Variants in STXBP6 observed in about 807,000 individuals in gnomAD.
STXBP6 encodes the protein syntaxin binding protein 6, also known as syntaxin-binding protein 6.
A neutral mutation model predicts 26.9 loss-of-function variants in STXBP6; 21 were observed. The observed-to-expected ratio is 0.78, with a 90% CI of 0.55 to 1.12. STXBP6 has a LOEUF of 1.12. Among genes scored for constraint, STXBP6 ranks in the 50% most tolerant of loss-of-function variants. The pLI is 0.00. For missense variants in STXBP6, 232 were observed against 257.9 expected, an observed-to-expected ratio of 0.90 and a Z score of 0.69; for synonymous variants, 97 against 92.6, an observed-to-expected ratio of 1.05 and a Z score of -0.27.
chr14:25,047,847 A>G (rs2075749674), intron 1 of STXBP6, among the ~76,000 whole-genome samples: 1 of 152,214 alleles, frequency 6.6e-6, no homozygotes, highest in African/African-American at 2.4e-5. Context: ...TCACTATTAG[A>G]GGTCAAGTCA....
chr14:24,970,266 G>C (rs527457260), intron 2 of STXBP6, among the ~76,000 whole-genome samples: 1 of 151,882 alleles, frequency 6.6e-6, no homozygotes, highest in East Asian at 1.9e-4. Flanking sequence ...CAATTTCATT[G>C]AAATTTATTT....
chr14:24,961,354 C>A (rs1037297289), intron 2 of STXBP6, among the ~76,000 whole-genome samples: 1 of 151,022 alleles, frequency 6.6e-6, no homozygotes. Flanking sequence ...ATCTGTGTAA[C>A]AAACCCCTGT....
At chr14:25,002,206 T>C (rs553069669) in intron 1 of STXBP6, among the ~76,000 whole-genome samples, 25 of 152,338 alleles carry the variant, frequency 1.6e-4, no homozygotes, top group African/African-American at 5.1e-4. Flanking sequence ...CAGGATACTA[T>C]AAGTGAATTA....
chr14:24,873,667 G>A lies in STXBP6; in HGVS notation c.155-16510C>T, dbSNP rs192948994. ...GGAAAGGTCAGTGCCTTCTGCGTGC[G>A]ACATTTGTTTTTCCTCCTTAGTGTT... On this transcript the variant is annotated intron_variant, in intron 2 of 5. Transcript: ENST00000323944. Among the ~76,000 whole-genome samples the A allele has an allele frequency of 2.6e-5, 4 of 152,280 alleles. No individual in the cohort carries two copies. In the East Asian group the frequency reaches 5.8e-4, roughly 22 times the overall value.
At chr14:24,921,953 C>A (rs1438505804) in intron 2 of STXBP6, among the ~76,000 whole-genome samples, 1 of 151,964 alleles carries the variant, frequency 6.6e-6, no homozygotes. Flanking sequence ...TGGTAATACA[C>A]CCAGTGGACT....
chr14:24,906,226 G>A (rs2071381390), intron 2 of STXBP6, among the ~76,000 whole-genome samples: 1 of 151,984 alleles, frequency 6.6e-6, no homozygotes, highest in Non-Finnish European at 1.5e-5. Flanking sequence ...GATATTATGT[G>A]TTACTTTTCA....
intron 2 of STXBP6, among the ~76,000 whole-genome samples, chr14:24,954,010 T>C (rs1026675244): frequency 2.0e-5 from 3 of 152,128 alleles, no homozygotes; most frequent in Non-Finnish European, 2.9e-5. Flanking sequence ...GGCTGCCAAT[T>C]CAGAAGAAGA....
At chr14:25,022,860 T>A (rs2075284311) in intron 1 of STXBP6, among the ~76,000 whole-genome samples, 1 of 152,126 alleles carries the variant, frequency 6.6e-6, no homozygotes, top group East Asian at 1.9e-4. Context: ...CTCAAACTCA[T>A]CTCCAATTCA....
At chr14:24,841,356 G>C (rs2068778360) in intron 4 of STXBP6, among the ~76,000 whole-genome samples, 1 of 152,106 alleles carries the variant, frequency 6.6e-6, no homozygotes, top group Non-Finnish European at 1.5e-5. Flanking sequence ...ATTTTTAATA[G>C]CTTTTAATAT....
intron 2 of STXBP6, among the ~76,000 whole-genome samples, chr14:24,962,022 C>T (rs1372951242): frequency 6.6e-6 from 1 of 152,122 alleles, no homozygotes; most frequent in African/African-American, 2.4e-5. Context: ...CTGAACCAGA[C>T]CAAATGCATG....
chr14:24,905,427 T>C lies in STXBP6; in HGVS notation c.155-48270A>G, dbSNP rs35143508. Among the ~76,000 whole-genome samples the C allele has an allele frequency of 3.5e-3, 530 of 152,294 alleles. 3 individuals are homozygous for C. The highest frequency in any genetic ancestry group is 3.9e-3 in the Non-Finnish European group (266 of 68,012). On this transcript the variant is annotated intron_variant, in intron 2 of 5. Coordinates refer to ENST00000323944, the MANE Select transcript of STXBP6 (RefSeq NM_001394410.1). ...CAAAGTGCCTGGAATGCAGCAGATG[T>C]TTAAAATGTTTGTTGAATTTGGGTC...
chr14:24,931,807 G>A (rs1343498322), intron 2 of STXBP6, among the ~76,000 whole-genome samples: 2 of 152,196 alleles, frequency 1.3e-5, no homozygotes, highest in African/African-American at 4.8e-5. Context: ...GTCTAGGCAA[G>A]TGTGATCCAG....
At chr14:25,014,320 C>A (rs540482492) in intron 1 of STXBP6, among the ~76,000 whole-genome samples, 2 of 152,084 alleles carry the variant, frequency 1.3e-5, no homozygotes, top group Non-Finnish European at 1.5e-5. Flanking sequence ...CATGGTGTAA[C>A]CCCTTCTCTA....
chr14:24,838,690 A>AT (rs1169055002), intron 4 of STXBP6, among the ~76,000 whole-genome samples: 4 of 152,016 alleles, frequency 2.6e-5, no homozygotes, highest in Admixed American at 6.6e-5. Flanking sequence ...TCTCAAAAAA[A>AT]AAAGAGAAAA....
intron 1 of STXBP6, among the ~76,000 whole-genome samples, chr14:24,994,207 T>C (rs1411203639): frequency 6.6e-6 from 1 of 152,196 alleles, no homozygotes; most frequent in Non-Finnish European, 1.5e-5. Context: ...GATTGTGGGA[T>C]TGATTTCTTA....
At chr14:24,982,960 A>C (rs929825625) in intron 1 of STXBP6, among the ~76,000 whole-genome samples, 33 of 152,240 alleles carry the variant, frequency 2.2e-4, no homozygotes, top group African/African-American at 7.5e-4. Context: ...GGTAAGACGA[A>C]GATTTCATAA....
intron 2 of STXBP6, among the ~76,000 whole-genome samples, chr14:24,908,677 C>T (rs923569184): frequency 2.6e-5 from 4 of 152,192 alleles, no homozygotes; most frequent in Admixed American, 6.5e-5. Flanking sequence ...CCTTCCCCTA[C>T]AACTGAGACC....
At chr14:24,949,942 C>G (rs1368112735) in intron 2 of STXBP6, among the ~76,000 whole-genome samples, 2 of 152,154 alleles carry the variant, frequency 1.3e-5, no homozygotes, top group African/African-American at 4.8e-5. Flanking sequence ...CTGTACATCA[C>G]TTTCCCTTTT....
At chr14:24,837,180 A>G (rs796477697) in intron 4 of STXBP6, among the ~76,000 whole-genome samples, 11 of 152,312 alleles carry the variant, frequency 7.2e-5, no homozygotes, top group African/African-American at 2.2e-4. Context: ...AACAGCAGGG[A>G]GGATGAAAGA....
Sources: allele counts gnomAD v4.1 joint callset (sites outside exome capture counted in the v4.1 genomes callset), GRCh38; gene constraint gnomAD v4.1.1; transcripts MANE v1.5; gene names NCBI Gene and HGNC (gene_info 2026-07-23, HGNC 2026-07-21).